The following GLYR1 variants were observed in gnomAD, a reference collection of about 807,000 sequenced individuals.
The protein encoded by GLYR1 is glyoxylate reductase 1 homolog.
In GLYR1, 21 loss-of-function variants were observed where a neutral mutation model predicts 72.7. The observed-to-expected ratio is 0.29, with a 90% CI of 0.20 to 0.42. The LOEUF is 0.42. GLYR1 is among the 10% of genes least tolerant of loss of function. GLYR1 has a pLI of 1.00. For synonymous variants in GLYR1, 392 were observed against 270.2 expected, an observed-to-expected ratio of 1.45 and a Z score of -4.42; for missense variants, 594 against 712.1, an observed-to-expected ratio of 0.83 and a Z score of 1.89.
chr16:4,809,526 G>A (rs2141945612), intron 15 of GLYR1, among the ~76,000 whole-genome samples: 1 of 151,070 alleles, frequency 6.6e-6, no homozygotes. Context: ...GCAGGAGAAT[G>A]GAGTGAACCC....
chr16:4,831,355 G>C (rs1018785190), intron 5 of GLYR1, among the ~76,000 whole-genome samples: 1 of 152,058 alleles, frequency 6.6e-6, no homozygotes, highest in East Asian at 1.9e-4. Context: ...TCACCTTCCC[G>C]GGCCCCCACT....
chr16:4,824,926 T>C (rs556831981), intron 5 of GLYR1, among the ~76,000 whole-genome samples: 81 of 152,194 alleles, frequency 5.3e-4, no homozygotes, highest in Non-Finnish European at 1.0e-3. Flanking sequence ...TGCTCCATTC[T>C]ACTAGGCCGA....
At chr16:4,809,433 G>C (rs938796831) in intron 15 of GLYR1, among the ~76,000 whole-genome samples, 1 of 150,382 alleles carries the variant, frequency 6.6e-6, no homozygotes, top group Non-Finnish European at 1.5e-5. Flanking sequence ...TAACACAGTG[G>C]AACCCCGTCT....
chr16:4,832,244 G>A (rs1246901705), intron 4 of GLYR1, 23 bp from the exon 5 acceptor site: 9 of 1,612,368 alleles, frequency 5.6e-6, no homozygotes, highest in Non-Finnish European at 7.6e-6. Flanking sequence ...TAATAATAAT[G>A]ATAACTACCA....
intron 1 of GLYR1, chr16:4,846,898 A>C: frequency 2.5e-6 from 1 of 405,214 alleles, no homozygotes. Flanking sequence ...AAGCCCCAAC[A>C]AGACCCCGGG....
At position 4,834,800 on chromosome 16, in the gene GLYR1, A is replaced by C. The variant is rs533346290; in HGVS notation, c.156-1888T>G. 2.6e-5 allele frequency among the ~76,000 whole-genome samples: 4 copies of C among 152,290 alleles called. No homozygotes were observed. In the South Asian group the frequency reaches 8.3e-4, roughly 32 times the overall value. ...AACTCATCTTAAAGTTTGAAATTCA[A>C]CATGAGAGCGCCAATGAGTCCAATC... On this transcript the variant is annotated intron_variant, in intron 3 of 15. Coordinates refer to ENST00000321919, the MANE Select transcript of GLYR1 (RefSeq NM_032569.4).
chr16:4,820,813 G>T (rs778247237), intron 9 of GLYR1, among the ~76,000 whole-genome samples: 7 of 152,184 alleles, frequency 4.6e-5, no homozygotes, highest in African/African-American at 1.7e-4. Context: ...AAGGCTGGGC[G>T]CAAGTTGGGT....
chr16:4,832,810 G>C lies in GLYR1; in HGVS notation c.258C>G (p.Val86=). 2 of 1,613,098 alleles carry C rather than the reference G, an allele frequency of 1.2e-6. No homozygotes were observed. Among genetic ancestry groups the C allele is most frequent in the Non-Finnish European group, 1.7e-6 (2 of 1,179,564 alleles). ...CTTTGGCTCTCCTGAGGAACTCTTC[G>C]ACAGCATCTACCGCTTGCTGGAATC... ...GKRFQQAVDA[V]EEFLRRAKGK... Residue 86 remains valine (V), a synonymous_variant, in exon 4 of 16, where the codon GTC becomes GTG. Transcript: ENST00000321919.
chr16:4,812,779 C>T (rs540881744), intron 12 of GLYR1, among the ~76,000 whole-genome samples: 1 of 151,866 alleles, frequency 6.6e-6, no homozygotes, highest in East Asian at 2.0e-4. Context: ...GAGTGAGCCA[C>T]CACGCCTGGC....
intron 3 of GLYR1, 38 bp from the exon 4 acceptor site, chr16:4,832,950 T>A: frequency 6.3e-7 from 1 of 1,577,626 alleles, no homozygotes; most frequent in Non-Finnish European, 8.6e-7. Flanking sequence ...GTGAACCATA[T>A]AGCATATGCC....
Position 4,804,971 on chromosome 16 carries a change from G to T in GLYR1, c.*265C>A. 1 of 531,412 alleles carries T rather than the reference G, an allele frequency of 1.9e-6. No individual in the cohort carries two copies. The highest frequency in any genetic ancestry group is 3.1e-5 in the Admixed American group (1 of 32,098). The allele number at this position is 531,412 out of a possible 1,614,324, so 32.9% of individuals were successfully genotyped here. A position where few individuals can be genotyped will look rare whatever the true frequency, so the allele number is the denominator to read the frequency against. ...TGTGTGTGTGTGTGTGTGTGTGTGTGAACACACAGCCACCTCGTCCGGGGG... is the reference window on the plus strand; with the variant it reads ...TGTGTGTGTGTGTGTGTGTGTGTGTTAACACACAGCCACCTCGTCCGGGGG... On this transcript the variant is annotated 3_prime_UTR_variant, in exon 16 of 16. Transcript: ENST00000321919.
chr16:4,841,136 G>C (rs892425652), intron 3 of GLYR1, among the ~76,000 whole-genome samples: 4 of 152,136 alleles, frequency 2.6e-5, no homozygotes, highest in African/African-American at 9.7e-5. Context: ...AAGAACCTTC[G>C]TCAGTTAGAA....
chr16:4,810,005 TA>T (rs2083235604), intron 15 of GLYR1, among the ~76,000 whole-genome samples: 2 of 151,808 alleles, frequency 1.3e-5, no homozygotes, highest in African/African-American at 4.8e-5. Context: ...CATAGAGCAG[TA>T]AGTTAAAAAT....
In GLYR1 at chr16:4,821,539, C is replaced by G. The variant is rs2084023691; in HGVS notation, c.732+8G>C. On this transcript the variant is annotated splice_region_variant and intron_variant, in intron 8 of 15. Transcript: ENST00000321919. ...AAATTAAAATGGGGAGGCATGGAGC[C>G]TACATACCTCTTCACATATTTTCAA... The G allele has an allele frequency of 1.2e-6, 2 of 1,614,044 alleles. No homozygotes were observed.
intron 5 of GLYR1, among the ~76,000 whole-genome samples, chr16:4,831,104 T>A (rs2084769367): frequency 6.6e-6 from 1 of 152,190 alleles, no homozygotes; most frequent in African/African-American, 2.4e-5. Flanking sequence ...ATGACCACTT[T>A]CCCAGGAATG....
chr16:4,846,921 G>T (rs911062028), intron 1 of GLYR1: 7 of 443,948 alleles, frequency 1.6e-5, no homozygotes, highest in African/African-American at 1.5e-4. Flanking sequence ...CCGGTCGTCC[G>T]GGGAAGCCTC....
intron 5 of GLYR1, among the ~76,000 whole-genome samples, chr16:4,827,480 C>A (rs186045551): frequency 1.6e-4 from 24 of 152,248 alleles, no homozygotes; most frequent in African/African-American, 5.8e-4. Context: ...AAAGAACAGG[C>A]AGGAAGGACA....
chr16:4,817,471 T>A (rs893919220), intron 10 of GLYR1, 127 bp downstream of exon 10: 1 of 643,450 alleles, frequency 1.6e-6, no homozygotes, highest in East Asian at 2.6e-5. Context: ...CATCTCTACC[T>A]GCCTGGACTA....
Position 4,847,254 on chromosome 16 carries a change from C to G in GLYR1, c.12G>C (p.Val4=). 1.2e-5 allele frequency: 20 copies of G among 1,610,140 alleles called. No individual in the cohort carries two copies. Among genetic ancestry groups the G allele is most frequent in the Non-Finnish European group, 1.7e-5 (20 of 1,179,038 alleles). The stretch of plus-strand genomic sequence containing the variant: ...ACACCAAGTCGCCGAGCCGCAGACT[C>G]ACAGCCGCCATCTTACCACCCAACC... The part of the protein sequence containing the change: MAA[V]SLRLGDLVWG... The change falls in exon 1 of 16, where the codon GTG becomes GTC. Residue 4 remains valine (V), a synonymous_variant. Transcript: ENST00000321919.
Sources: allele counts gnomAD v4.1 joint callset (sites outside exome capture counted in the v4.1 genomes callset), GRCh38; gene constraint gnomAD v4.1.1; transcripts MANE v1.5; gene names NCBI Gene and HGNC (gene_info 2026-07-23, HGNC 2026-07-21).